Variants in MTUS2 observed in about 807,000 individuals in gnomAD.
The protein encoded by MTUS2 is microtubule associated scaffold protein 2.
MTUS2 carries 40 observed loss-of-function variants against 114.1 expected under a neutral mutation model. That is an observed-to-expected ratio of 0.35 (90% CI 0.27 to 0.46). MTUS2 has a LOEUF of 0.46. Among genes scored for constraint, MTUS2 ranks in the 20% least tolerant of loss-of-function variants. MTUS2 has a pLI of 1.00. For missense variants in MTUS2, 1,679 were observed against 1,705.4 expected (o/e 0.98, Z 0.27); for synonymous variants, 688 against 672.0 (o/e 1.02, Z -0.37).
intron 6 of MTUS2, among the ~76,000 whole-genome samples, chr13:29,293,506 G>T (rs1267021344): frequency 6.6e-6 from 1 of 152,018 alleles, no homozygotes; most frequent in Non-Finnish European, 1.5e-5. Context: ...AATATAAATT[G>T]GTACACTCTT....
At chr13:29,479,895 CCTT>C (rs1881021800) in intron 9 of MTUS2, among the ~76,000 whole-genome samples, 1 of 152,204 alleles carries the variant, frequency 6.6e-6, no homozygotes, top group Admixed American at 6.5e-5. Flanking sequence ...CTTCCCAGCT[CCTT>C]CTCCAGCCGC....
chr13:29,038,333 A>G (rs1046408755), intron 4 of MTUS2, among the ~76,000 whole-genome samples: 1 of 152,150 alleles, frequency 6.6e-6, no homozygotes, highest in African/African-American at 2.4e-5. Context: ...CTGGAGGTCC[A>G]CTCCAGACCC....
intron 5 of MTUS2, among the ~76,000 whole-genome samples, chr13:29,278,785 C>T (rs986269155): frequency 6.6e-6 from 1 of 152,188 alleles, no homozygotes; most frequent in Non-Finnish European, 1.5e-5. Context: ...GTTATCCTCA[C>T]CTTTTTGTAT....
intron 2 of MTUS2, among the ~76,000 whole-genome samples, chr13:28,859,036 A>G (rs1876808207): frequency 6.6e-6 from 1 of 152,238 alleles, no homozygotes; most frequent in Admixed American, 6.5e-5. Context: ...AGGAGACGGC[A>G]GGTACTCAAG....
intron 5 of MTUS2, among the ~76,000 whole-genome samples, chr13:29,189,724 G>A (rs923153377): frequency 6.6e-6 from 1 of 152,126 alleles, no homozygotes; most frequent in Non-Finnish European, 1.5e-5. Flanking sequence ...CCTCACAGCT[G>A]AGGTGGACTT....
intron 9 of MTUS2, among the ~76,000 whole-genome samples, chr13:29,467,909 G>A (rs1566217798): frequency 2.6e-5 from 4 of 152,134 alleles, no homozygotes; most frequent in African/African-American, 9.7e-5. Flanking sequence ...GAGTCAAGGA[G>A]TTCAAGACCA....
rs1167618524 is a variant in MTUS2 at position 28,907,836 on chromosome 13, CAG to C, written c.-243+67988_-243+67989del. On this transcript the variant is annotated intron_variant, in intron 2 of 15. Transcript: ENST00000612955. Reference sequence around the variant, plus strand: ...TTAACACCCCACTGTCAACATTAGACAGATAATCGAGACAGAAAGTTGACAGT... The same window carrying C: ...TTAACACCCCACTGTCAACATTAGACATAATCGAGACAGAAAGTTGACAGT... Among the ~76,000 whole-genome samples, 4 of 151,476 alleles carry C rather than the reference CAG, an allele frequency of 2.6e-5. No individual in the cohort carries two copies. In the East Asian group the frequency reaches 7.7e-4, roughly 29 times the overall value.
At chr13:29,217,164 T>C (rs1895714061) in intron 5 of MTUS2, among the ~76,000 whole-genome samples, 1 of 152,232 alleles carries the variant, frequency 6.6e-6, no homozygotes, top group African/African-American at 2.4e-5. Context: ...TGCCTGTGTT[T>C]TATAATTTTA....
chr13:29,212,084 A>C (rs1267407132), intron 5 of MTUS2, among the ~76,000 whole-genome samples: 1 of 152,164 alleles, frequency 6.6e-6, no homozygotes, highest in African/African-American at 2.4e-5. Flanking sequence ...TGTTTAGTAC[A>C]TAAATTTCTC....
intron 2 of MTUS2, among the ~76,000 whole-genome samples, chr13:29,017,642 G>A (rs2138445857): frequency 6.6e-6 from 1 of 152,174 alleles, no homozygotes; most frequent in South Asian, 2.1e-4. Context: ...CCTCTTGGGA[G>A]GACGTCTAAC....
At chr13:28,905,050 C>G (rs1343567031) in intron 2 of MTUS2, among the ~76,000 whole-genome samples, 1 of 151,584 alleles carries the variant, frequency 6.6e-6, no homozygotes, top group East Asian at 1.9e-4. Context: ...ATTTGGCTCT[C>G]TGTTTGCCTG....
intron 7 of MTUS2, among the ~76,000 whole-genome samples, chr13:29,347,299 A>C (rs1443900991): frequency 1.3e-5 from 2 of 152,182 alleles, no homozygotes; most frequent in African/African-American, 4.8e-5. Context: ...TGTTTAGTAC[A>C]TAAATTTCTC....
chr13:29,221,200 C>T (rs1593184442), intron 5 of MTUS2, among the ~76,000 whole-genome samples: 1 of 152,188 alleles, frequency 6.6e-6, no homozygotes, highest in African/African-American at 2.4e-5. Flanking sequence ...AAAACGTGTT[C>T]TGAGTTTTAT....
chr13:29,449,480 A>G (rs1878534621), intron 9 of MTUS2, among the ~76,000 whole-genome samples: 2 of 152,152 alleles, frequency 1.3e-5, no homozygotes, highest in South Asian at 4.1e-4. Flanking sequence ...TCCATATGAC[A>G]TGTTTTATTT....
chr13:29,367,173 A>G (rs757497348), intron 8 of MTUS2, among the ~76,000 whole-genome samples: 1 of 152,048 alleles, frequency 6.6e-6, no homozygotes, highest in South Asian at 2.1e-4. Flanking sequence ...CAGGCAGGGT[A>G]CCTGGGGTAG....
intron 9 of MTUS2, among the ~76,000 whole-genome samples, chr13:29,457,202 C>T (rs1166973565): frequency 6.6e-6 from 1 of 151,082 alleles, no homozygotes; most frequent in Non-Finnish European, 1.5e-5. Flanking sequence ...TTTAAATGTT[C>T]AGTTTGAGAA....
intron 5 of MTUS2, among the ~76,000 whole-genome samples, chr13:29,131,837 T>C (rs1022725566): frequency 1.3e-5 from 2 of 152,388 alleles, no homozygotes; most frequent in South Asian, 2.1e-4. Context: ...CAGTATCAAA[T>C]GAAAGTCATC....
chr13:29,314,747 T>C (rs1899916557), intron 6 of MTUS2, among the ~76,000 whole-genome samples: 1 of 152,202 alleles, frequency 6.6e-6, no homozygotes, highest in South Asian at 2.1e-4. Context: ...AGAATGACCT[T>C]TCAGAAAGGT....
chr13:29,159,250 T>C (rs1261960856), intron 5 of MTUS2, among the ~76,000 whole-genome samples: 1 of 152,218 alleles, frequency 6.6e-6, no homozygotes, highest in African/African-American at 2.4e-5. Flanking sequence ...GAAAGACACG[T>C]ACTAAAATTA....
Sources: gnomAD v4.1 joint callset for allele counts (sites outside exome capture counted in the v4.1 genomes callset) on GRCh38, gnomAD v4.1.1 for gene constraint, MANE v1.5 for transcripts, NCBI Gene and HGNC (gene_info 2026-07-23, HGNC 2026-07-21) for gene names.